Variants in CENPV observed in about 807,000 individuals in gnomAD.
CENPV encodes centromere protein V.
In CENPV, 15 loss-of-function variants were observed where a neutral mutation model predicts 26.4. That is an observed-to-expected ratio of 0.57 (90% CI 0.38 to 0.88). CENPV has a LOEUF of 0.88. Ranked by LOEUF, CENPV falls within the 40% of genes least tolerant of loss-of-function variation. The pLI is 0.00. For synonymous variants in CENPV, 172 were observed against 165.5 expected (o/e 1.04, Z -0.30); for missense variants, 336 against 376.5 (o/e 0.89, Z 0.89).
intron 4 of CENPV, 70 bp from the exon 5 acceptor site, chr17:16,343,011 G>C: frequency 6.4e-7 from 1 of 1,574,164 alleles, no homozygotes; most frequent in East Asian, 2.3e-5. Flanking sequence ...ACCGGCTCCT[G>C]GATAAGCCCC....
rs981268422 is a variant in CENPV, at chr17:16,342,758, G to A, written c.*59C>T. ...CAGGAGCACCACCGAGGCACGGCAG[G>A]GAGAGCAAAGTTGCTGGCCCCAATC... is the stretch of plus-strand genomic sequence containing the variant. On this transcript the variant is annotated 3_prime_UTR_variant, in exon 5 of 5. Transcript: ENST00000299736. 4.4e-6 allele frequency: 7 copies of A among 1,609,014 alleles called. No homozygotes were observed. In the African/African-American group the frequency reaches 8.0e-5, roughly 18 times the overall value.
Position 16,348,524 on chromosome 17 carries a change from T to G in CENPV, c.579+92A>C. 5 of 1,586,008 alleles carry G rather than the reference T, an allele frequency of 3.2e-6. No homozygotes were observed. The South Asian group carries it at 4.5e-5, about 14-fold the overall frequency. ...CCTGCTATGCTCCAGGCCCCTCCCATGCTACAGACGGCATGCTAACAGTTG... is the reference window on the plus strand; with the variant it reads ...CCTGCTATGCTCCAGGCCCCTCCCAGGCTACAGACGGCATGCTAACAGTTG... On this transcript the variant is annotated intron_variant, in intron 3 of 4. Coordinates refer to ENST00000299736, the MANE Select transcript of CENPV (RefSeq NM_181716.3).
At chr17:16,350,086 CTTTTTGTTG>C in intron 1 of CENPV, 57 bp from the exon 2 acceptor site, 1 of 1,575,398 alleles carries the variant, frequency 6.3e-7, no homozygotes, top group Non-Finnish European at 8.6e-7. Flanking sequence ...CTCCTGCTCT[CTTTTTGTTG>C]CTGAAAGAAA....
At position 16,342,892 on chromosome 17, in the gene CENPV, A is replaced by G. The variant is rs2093188369; in HGVS notation, c.744T>C (p.Thr248=). 1.2e-6 allele frequency: 2 copies of G among 1,614,010 alleles called. No individual in the cohort carries two copies. The highest frequency in any genetic ancestry group is 1.7e-6 in the Non-Finnish European group (2 of 1,180,034). The change falls in exon 5 of 5, where the codon ACT becomes ACC. Residue 248 remains threonine, a synonymous_variant. Transcript: ENST00000299736. ...CCCAATCGCTGCCATTGAATTCCTC[A>G]GTGACCATACTCCGCACAGTGCCCT... is the stretch of plus-strand genomic sequence containing the variant. ...LDEGTVRSMV[T]EEFNGSDWEK... is the part of the protein sequence containing the mutation.
intron 3 of CENPV, 114 bp downstream of exon 3, chr17:16,348,502 G>C: frequency 6.4e-7 from 1 of 1,553,654 alleles, no homozygotes; most frequent in African/African-American, 1.4e-5. Context: ...GAGAGGCCCT[G>C]CTATGCTCCA....
intron 4 of CENPV, among the ~76,000 whole-genome samples, chr17:16,343,862 A>G (rs1303076702): frequency 1.3e-5 from 2 of 151,962 alleles, no homozygotes; most frequent in Non-Finnish European, 2.9e-5. Flanking sequence ...TGACACAACA[A>G]GAGTCCTCAG....
chr17:16,353,154 TCGG>T lies in CENPV; in HGVS notation c.280_282del (p.Pro94del), dbSNP rs753919797. ...GCCGAGGACGTCGGGGTCGCGGGAG[TCGG>T]CGGCGGCGGCGGCGGTGGCGGGAGC... On this transcript the variant is annotated inframe_deletion, in exon 1 of 5. Coordinates refer to ENST00000299736, the MANE Select transcript of CENPV (RefSeq NM_181716.3). The T allele has an allele frequency of 4.4e-4, 637 of 1,461,312 alleles. No homozygotes were observed. Among genetic ancestry groups the T allele is most frequent in the South Asian group, 1.9e-3 (139 of 72,916 alleles). 90.5% of individuals were successfully genotyped at this position (1,461,312 alleles called of 1,614,324 possible). A position where few individuals can be genotyped will look rare whatever the true frequency, so the allele number is the denominator to read the frequency against.
chr17:16,342,877 G>A lies in CENPV; in HGVS notation c.759C>T (p.Gly253=), dbSNP rs1280188198. ...CTTTCATGGCCTTCTCCCAATCGCTGCCATTGAATTCCTCAGTGACCATAC... is the reference window on the plus strand; with the variant it reads ...CTTTCATGGCCTTCTCCCAATCGCTACCATTGAATTCCTCAGTGACCATAC... ...VRSMVTEEFN[G]SDWEKAMKEH... is the part of the protein sequence containing the mutation. Residue 253 remains glycine (G), a synonymous_variant, in exon 5 of 5, where the codon GGC becomes GGT. Transcript: ENST00000299736. The A allele has an allele frequency of 6.2e-7, 1 of 1,613,956 alleles. No homozygotes were observed. The highest frequency in any genetic ancestry group is 1.1e-5 in the South Asian group (1 of 91,080).
chr17:16,353,362 C>A lies in CENPV; in HGVS notation c.75G>T (p.Ala25=). ...GTGCCAAGGCAGCGGCCGCGGAGGC[C>A]GCGGGGGCCGCGGAGGCCCCGGACC... The part of the protein sequence containing the change: ...QKRSGASAAP[A]ASAAAALAPS... Residue 25 remains alanine (A), a synonymous_variant, in exon 1 of 5, where the codon GCG becomes GCT. Coordinates refer to ENST00000299736, the MANE Select transcript of CENPV (RefSeq NM_181716.3). 8.0e-6 allele frequency: 10 copies of A among 1,245,638 alleles called. No individual in the cohort carries two copies. Among genetic ancestry groups the A allele is most frequent in the Admixed American group, 4.4e-5 (1 of 22,988 alleles). The allele number at this position is 1,245,638 out of a possible 1,614,324, so 77.2% of individuals were successfully genotyped here.
chr17:16,346,460 C>T (rs985055375), intron 3 of CENPV, among the ~76,000 whole-genome samples: 1 of 152,084 alleles, frequency 6.6e-6, no homozygotes, highest in Non-Finnish European at 1.5e-5. Context: ...CAAAGTAAAG[C>T]AAGGTATAGG....
At chr17:16,351,657 C>T (rs911706703) in intron 1 of CENPV, 2 of 152,168 alleles carry the variant, frequency 1.3e-5, no homozygotes, top group African/African-American at 4.8e-5. Context: ...CAGTTATACA[C>T]ACTTTTTGAA....
chr17:16,343,792 C>G (rs983050017), intron 4 of CENPV, among the ~76,000 whole-genome samples: 4 of 151,450 alleles, frequency 2.6e-5, no homozygotes, highest in African/African-American at 9.7e-5. Flanking sequence ...CCGCTCCCCA[C>G]CACCATAAGG....
At chr17:16,343,821 A>G (rs2093193323) in intron 4 of CENPV, among the ~76,000 whole-genome samples, 1 of 149,222 alleles carries the variant, frequency 6.7e-6, no homozygotes, top group Non-Finnish European at 1.5e-5. Context: ...ACTGACAGTC[A>G]TAGCTGCTCT....
chr17:16,344,517 T>A (rs976392501), intron 4 of CENPV, 80 bp downstream of exon 4: 2 of 724,892 alleles, frequency 2.8e-6, no homozygotes, highest in Non-Finnish European at 2.2e-6. Context: ...GCATCCCACC[T>A]GTCCAAATAA....
At chr17:16,350,101 A>C in intron 1 of CENPV, 72 bp from the exon 2 acceptor site, 1 of 1,556,200 alleles carries the variant, frequency 6.4e-7, no homozygotes, top group Non-Finnish European at 8.7e-7. Flanking sequence ...TGTTGCTGAA[A>C]GAAAGACAGA....
chr17:16,347,272 C>A (rs111882109), intron 3 of CENPV, among the ~76,000 whole-genome samples: 13 of 152,234 alleles, frequency 8.5e-5, no homozygotes, highest in Admixed American at 7.2e-4. Context: ...TCCTTGTTAA[C>A]CCTCTTTACG....
Position 16,342,898 on chromosome 17 carries a change from C to G in CENPV, c.738G>C (p.Met246Ile). Residue 246 changes from methionine to isoleucine, a missense_variant, in exon 5 of 5, where the codon ATG becomes ATC. Coordinates refer to ENST00000299736, the MANE Select transcript of CENPV (RefSeq NM_181716.3). The stretch of plus-strand genomic sequence containing the variant: ...CGCTGCCATTGAATTCCTCAGTGAC[C>G]ATACTCCGCACAGTGCCCTCATCCA... The part of the protein sequence containing the change: ...HCLDEGTVRS[M>I]VTEEFNGSDW... 1.2e-6 allele frequency: 2 copies of G among 1,614,166 alleles called. No homozygotes were observed. Among genetic ancestry groups the G allele is most frequent in the Non-Finnish European group, 1.7e-6 (2 of 1,180,036 alleles).
Position 16,342,598 on chromosome 17 carries a change from G to T in CENPV, c.*219C>A. ...ATCACACAAAAGTTGGGAAGAGAAG[G>T]ATGTCAATTAGACTACATCAAAATC... On this transcript the variant is annotated 3_prime_UTR_variant, in exon 5 of 5. Coordinates refer to ENST00000299736, the MANE Select transcript of CENPV (RefSeq NM_181716.3). The T allele has an allele frequency of 1.9e-6, 1 of 522,980 alleles. No homozygotes were observed. Among genetic ancestry groups the T allele is most frequent in the Non-Finnish European group, 3.4e-6 (1 of 294,444 alleles). 32.4% of individuals were successfully genotyped at this position (522,980 alleles called of 1,614,324 possible).
At chr17:16,349,855 C>G (rs984585717) in intron 2 of CENPV, 76 bp downstream of exon 2, 4 of 1,571,210 alleles carry the variant, frequency 2.5e-6, no homozygotes, top group Non-Finnish European at 3.5e-6. Context: ...TACCCCAACT[C>G]CCCAGATTAT....
Sources: allele counts gnomAD v4.1 joint callset (sites outside exome capture counted in the v4.1 genomes callset), GRCh38; gene constraint gnomAD v4.1.1; transcripts MANE v1.5; gene names NCBI Gene and HGNC (gene_info 2026-07-23, HGNC 2026-07-21).